Variants in MYO3B observed in about 807,000 individuals in gnomAD.
The protein encoded by MYO3B is myosin-IIIb.
MYO3B carries 156 observed loss-of-function variants against 174.6 expected under a neutral mutation model. That is an observed-to-expected ratio of 0.89 (90% CI 0.78 to 1.02). The LOEUF is 1.02. Among genes scored for constraint, MYO3B ranks in the 50% least tolerant of loss-of-function variants. The pLI, the probability that MYO3B is intolerant of heterozygous loss-of-function variation, is 0.00. For missense variants in MYO3B, 1,632 were observed against 1,639.4 expected (o/e 1.00, Z 0.08); for synonymous variants, 563 against 569.1 (o/e 0.99, Z 0.15).
At chr2:170,435,391 A>G (rs1322871224) in intron 22 of MYO3B, among the ~76,000 whole-genome samples, 3 of 152,198 alleles carry the variant, frequency 2.0e-5, no homozygotes, top group Non-Finnish European at 1.5e-5. Context: ...GATCCTTTCC[A>G]TGGAAGAGCT....
intron 32 of MYO3B, among the ~76,000 whole-genome samples, chr2:170,613,630 C>G (rs1695258106): frequency 6.6e-6 from 1 of 152,146 alleles, no homozygotes; most frequent in African/African-American, 2.4e-5. Flanking sequence ...CTGGGTATGT[C>G]TGTGAGGGTG....
intron 3 of MYO3B, among the ~76,000 whole-genome samples, chr2:170,209,158 T>C (rs2092745425): frequency 6.6e-6 from 1 of 152,148 alleles, no homozygotes. Context: ...TAAAACAGTT[T>C]CTCCAATTGC....
chr2:170,301,317 T>C (rs982481168), intron 7 of MYO3B, among the ~76,000 whole-genome samples: 5 of 152,212 alleles, frequency 3.3e-5, no homozygotes, highest in Admixed American at 2.6e-4. Context: ...CCTAGCAATA[T>C]ATTCAAATGT....
rs867677371 is a variant in MYO3B at position 170,301,443 on chromosome 2, C to T, written c.750-33942C>T. 6.0e-4 allele frequency among the ~76,000 whole-genome samples: 92 copies of T among 152,234 alleles called. No homozygotes were observed. In the Middle Eastern group the frequency reaches 0.01, roughly 17 times the overall value. ...GTATCGATAATAGTTTTAGATCACTCTATTTTTATACATTTCTGGGCACAA... is the reference window on the plus strand; with the variant it reads ...GTATCGATAATAGTTTTAGATCACTTTATTTTTATACATTTCTGGGCACAA... On this transcript the variant is annotated intron_variant, in intron 7 of 34. Transcript: ENST00000408978.
chr2:170,651,676 G>T lies in MYO3B; in HGVS notation c.3782G>T (p.Cys1261Phe), dbSNP rs1218150444. ...AAGCATCGAACACCTCGCCGACGAT[G>T]TCAGCAGCCCAAAATGCTGAGTAGC... ...AQKHRTPRRR[C>F]QQPKMLSSPE... Residue 1261 changes from cysteine (C) to phenylalanine (F), a missense_variant, in exon 33 of 35, where the codon TGT (cysteine) becomes TTT (phenylalanine). Physicochemically the swap from Cys to Phe is radical, Grantham distance 205. Transcript: ENST00000408978. 6.2e-7 allele frequency: 1 copy of T among 1,614,006 alleles called. No individual in the cohort carries two copies. Among genetic ancestry groups the T allele is most frequent in the Non-Finnish European group, 8.5e-7 (1 of 1,180,040 alleles).
intron 32 of MYO3B, among the ~76,000 whole-genome samples, chr2:170,546,937 A>G (rs1222912796): frequency 1.3e-5 from 2 of 152,158 alleles, no homozygotes; most frequent in Admixed American, 1.3e-4. Context: ...GAATAAATCT[A>G]AAGTTACTCC....
intron 25 of MYO3B, among the ~76,000 whole-genome samples, chr2:170,490,036 T>TC (rs1190246110): frequency 6.6e-6 from 1 of 150,540 alleles, no homozygotes; most frequent in African/African-American, 2.4e-5. Flanking sequence ...TTCTTTCTTT[T>TC]TTTTTTTTTT....
intron 32 of MYO3B, among the ~76,000 whole-genome samples, chr2:170,644,950 G>A (rs529635004): frequency 1.3e-5 from 2 of 152,312 alleles, no homozygotes; most frequent in South Asian, 2.1e-4. Flanking sequence ...TGCAGGGCAG[G>A]GGGTTGGGGG....
chr2:170,571,557 C>T (rs1305871465), intron 32 of MYO3B, among the ~76,000 whole-genome samples: 1 of 152,098 alleles, frequency 6.6e-6, no homozygotes, highest in East Asian at 1.9e-4. Flanking sequence ...TAAGCAGAGG[C>T]ATGACATGTT....
rs373197189 is a variant in MYO3B at position 170,336,499 on chromosome 2, C to A, written c.815+1049C>A. 4.0e-4 allele frequency among the ~76,000 whole-genome samples: 61 copies of A among 152,028 alleles called. No individual in the cohort carries two copies. The East Asian group carries it at 4.4e-3, about 11-fold the overall frequency. The stretch of plus-strand genomic sequence containing the variant: ...CGTATTTCCAAAATCCAAAGAGCTC[C>A]GAAAGATAAAAGTTCTTTTGTAGTT... On this transcript the variant is annotated intron_variant, in intron 8 of 34. Coordinates refer to ENST00000408978, the MANE Select transcript of MYO3B (RefSeq NM_138995.5).
chr2:170,400,648 C>CA (rs1031234794), intron 17 of MYO3B, among the ~76,000 whole-genome samples: 25 of 21,550 alleles, frequency 1.2e-3, no homozygotes, highest in Non-Finnish European at 3.4e-3. Context: ...CATGATCCAC[C>CA]CCCCCCCCCT....
At chr2:170,459,193 G>C (rs1237939914) in intron 23 of MYO3B, among the ~76,000 whole-genome samples, 2 of 152,198 alleles carry the variant, frequency 1.3e-5, no homozygotes, top group Non-Finnish European at 2.9e-5. Context: ...AGGGACCCCA[G>C]CGGGTTGCCA....
At chr2:170,651,591 T>C (rs1328828756) in intron 32 of MYO3B, 37 bp from the exon 33 acceptor site, 6 of 1,576,996 alleles carry the variant, frequency 3.8e-6, no homozygotes, top group Non-Finnish European at 5.2e-6. Flanking sequence ...TCCCAACACC[T>C]CGGACAGTTT....
At chr2:170,365,166 A>T (rs1217035746) in intron 8 of MYO3B, among the ~76,000 whole-genome samples, 2 of 152,198 alleles carry the variant, frequency 1.3e-5, no homozygotes, top group African/African-American at 4.8e-5. Flanking sequence ...GTCATTTTTA[A>T]CAACACGGAA....
At chr2:170,494,325 A>T (rs1686701145) in intron 25 of MYO3B, among the ~76,000 whole-genome samples, 1 of 152,238 alleles carries the variant, frequency 6.6e-6, no homozygotes, top group South Asian at 2.1e-4. Context: ...ATATTTTTCA[A>T]CTGGATATAC....
At chr2:170,217,267 G>A in intron 5 of MYO3B, 52 bp from the exon 6 acceptor site, 3 of 1,519,410 alleles carry the variant, frequency 2.0e-6, no homozygotes, top group Middle Eastern at 1.7e-4. Context: ...CCGATTGCTG[G>A]TCTAGCATCA....
At chr2:170,523,977 A>C (rs1423820299) in intron 30 of MYO3B, among the ~76,000 whole-genome samples, 1 of 152,208 alleles carries the variant, frequency 6.6e-6, no homozygotes, top group East Asian at 1.9e-4. Flanking sequence ...CTGCCTCAAG[A>C]GTCCTGGAGA....
chr2:170,289,065 A>T (rs146882494), intron 7 of MYO3B, among the ~76,000 whole-genome samples: 1 of 152,216 alleles, frequency 6.6e-6, no homozygotes, highest in African/African-American at 2.4e-5. Flanking sequence ...ATCCCACTTG[A>T]TCATAGTGAG....
chr2:170,399,319 C>G (rs1425066511), intron 16 of MYO3B, among the ~76,000 whole-genome samples: 1 of 125,556 alleles, frequency 8.0e-6, no homozygotes, highest in Non-Finnish European at 1.7e-5. Flanking sequence ...CTAAAAAATA[C>G]CAAAAAGAGC....
Sources: gnomAD v4.1 joint callset for allele counts (sites outside exome capture counted in the v4.1 genomes callset) on GRCh38, gnomAD v4.1.1 for gene constraint, MANE v1.5 for transcripts, NCBI Gene and HGNC (gene_info 2026-07-23, HGNC 2026-07-21) for gene names.